The following GLI2 variants were observed in gnomAD, a reference collection of about 807,000 sequenced individuals.
The protein encoded by GLI2 is transcription activator GLI2.
A neutral mutation model predicts 78.9 loss-of-function variants in GLI2; 22 were observed. The ratio of observed to expected loss-of-function variants is 0.28; its 90% CI spans 0.20 to 0.40. The LOEUF is 0.40. GLI2 is among the 10% of genes least tolerant of loss of function. The pLI, the probability that GLI2 is intolerant of heterozygous loss-of-function variation, is 1.00. For missense variants in GLI2, 2,097 were observed against 2,213.2 expected, an observed-to-expected ratio of 0.95 and a Z score of 1.05; for synonymous variants, 974 against 963.7, an observed-to-expected ratio of 1.01 and a Z score of -0.20.
In GLI2 at chr2:120,990,778, C is replaced by A; in HGVS notation, c.*103C>A. ...TTTTTCCAAAAAAGTGTTAAATAGG[C>A]TTGAGGGGTTGTTGCGCAATGGCCG... On this transcript the variant is annotated 3_prime_UTR_variant, in exon 14 of 14. Transcript: ENST00000361492. The A allele has an allele frequency of 2.1e-6, 2 of 972,026 alleles. No individual in the cohort carries two copies. The highest frequency in any genetic ancestry group is 3.1e-6 in the Non-Finnish European group (2 of 654,798). The allele number at this position is 972,026 out of a possible 1,614,324, so 60.2% of individuals were successfully genotyped here.
chr2:120,941,276 T>G lies in GLI2; in HGVS notation c.255-9967T>G, dbSNP rs11679415. On this transcript the variant is annotated intron_variant, in intron 3 of 13. Coordinates refer to ENST00000361492, the MANE Select transcript of GLI2 (RefSeq NM_001374353.1). Reference sequence around the variant, plus strand: ...TGGCTCTTAAAAAATGCAAATCCCCTTAGTACATTTTGGAAAGGACTTGAT... The same window carrying G: ...TGGCTCTTAAAAAATGCAAATCCCCGTAGTACATTTTGGAAAGGACTTGAT... Among the ~76,000 whole-genome samples, 1,219 of 152,338 alleles carry G rather than the reference T, an allele frequency of 8.0e-3. 13 individuals are homozygous for G. Among genetic ancestry groups the G allele is most frequent in the Non-Finnish European group, 0.012 (847 of 68,034 alleles).
intron 5 of GLI2, among the ~76,000 whole-genome samples, chr2:120,964,331 G>A (rs956411320): frequency 6.6e-6 from 1 of 152,230 alleles, no homozygotes; most frequent in African/African-American, 2.4e-5. Flanking sequence ...CAGGGCCACC[G>A]CCTAGGCCTT....
chr2:120,847,479 C>T (rs1573472526), intron 2 of GLI2, among the ~76,000 whole-genome samples: 1 of 152,168 alleles, frequency 6.6e-6, no homozygotes. Context: ...CCTTCCACGT[C>T]TCTTGAAGAT....
At chr2:120,875,639 C>T (rs1371646476) in intron 2 of GLI2, among the ~76,000 whole-genome samples, 2 of 152,202 alleles carry the variant, frequency 1.3e-5, no homozygotes, top group South Asian at 2.1e-4. Flanking sequence ...TCCTCTTCTT[C>T]GCCTCAGGAC....
chr2:120,860,391 G>A (rs1687850719), intron 2 of GLI2, among the ~76,000 whole-genome samples: 1 of 152,162 alleles, frequency 6.6e-6, no homozygotes, highest in Non-Finnish European at 1.5e-5. Flanking sequence ...CTCAGGTCCT[G>A]AGATTCTCTC....
intron 3 of GLI2, among the ~76,000 whole-genome samples, chr2:120,940,451 C>T (rs1473724518): frequency 1.3e-5 from 2 of 152,230 alleles, no homozygotes; most frequent in Non-Finnish European, 2.9e-5. Context: ...TCACCACCTC[C>T]ATTCCATTCT....
chr2:120,955,319 C>T lies in GLI2; in HGVS notation c.532C>T (p.His178Tyr), dbSNP rs1323089668. 2 of 1,612,894 alleles carry T rather than the reference C, an allele frequency of 1.2e-6. No individual in the cohort carries two copies. The highest frequency in any genetic ancestry group is 1.7e-6 in the Non-Finnish European group (2 of 1,179,100). ...APGTTPSDYY[H>Y]QMTLVAGHPA... The stretch of plus-strand genomic sequence containing the variant: ...AGGCACCACCCCCTCAGACTATTAC[C>T]ACCAGATGACCCTCGTGGCAGGCCA... Residue 178 changes from histidine (H) to tyrosine (Y), a missense_variant, in exon 5 of 14, where the codon CAC becomes TAC. By Grantham distance (83) the His-to-Tyr change is moderately conservative. Transcript: ENST00000361492.
chr2:120,992,545 C>T lies in GLI2; in HGVS notation c.*1870C>T, dbSNP rs1683328783. On this transcript the variant is annotated 3_prime_UTR_variant, in exon 14 of 14. Coordinates refer to ENST00000361492, the MANE Select transcript of GLI2 (RefSeq NM_001374353.1). The stretch of plus-strand genomic sequence containing the variant: ...CCCCCTTGACAGTAGTTAATGAGAA[C>T]CTGGGCAGTAAATTTGGTGCATTCG... 6.6e-6 allele frequency: 1 copy of T among 152,086 alleles called. No individual in the cohort carries two copies. The highest frequency in any genetic ancestry group is 1.5e-5 in the Non-Finnish European group (1 of 68,030). The allele number at this position is 152,086 out of a possible 1,614,324, so 9.4% of individuals were successfully genotyped here.
rs187223898 is a variant in GLI2, at chr2:120,991,575, G to A, written c.*900G>A. 3 of 152,764 alleles carry A rather than the reference G, an allele frequency of 2.0e-5. No individual in the cohort carries two copies. Among genetic ancestry groups the A allele is most frequent in the African/African-American group, 7.2e-5 (3 of 41,564 alleles). The allele number at this position is 152,764 out of a possible 1,614,324, so 9.5% of individuals were successfully genotyped here. ...GCCTCGAGGAGTGAGGGTGCACCCG[G>A]GGCCCAGCCTCAGGCTGCCCTAGGG... On this transcript the variant is annotated 3_prime_UTR_variant, in exon 14 of 14. Coordinates refer to ENST00000361492, the MANE Select transcript of GLI2 (RefSeq NM_001374353.1).
chr2:120,975,013 T>C lies in GLI2; in HGVS notation c.1221T>C (p.Asp407=). The C allele has an allele frequency of 6.2e-7, 1 of 1,614,134 alleles. No homozygotes were observed. Among genetic ancestry groups the C allele is most frequent in the South Asian group, 1.1e-5 (1 of 91,082 alleles). Residue 407 remains aspartate (D), a synonymous_variant, in exon 9 of 14, where the codon GAT becomes GAC. Transcript: ENST00000361492. ...LADLKEDLDR[D]DCKQEAEVVI... is the part of the protein sequence containing the mutation. ...ACCTCAAGGAAGATCTGGACAGGGA[T>C]GACTGTAAGCAGGAGGCTGAGGTGG...
At chr2:120,752,928 G>A (rs910368652) in intron 1 of GLI2, among the ~76,000 whole-genome samples, 1 of 152,008 alleles carries the variant, frequency 6.6e-6, no homozygotes, top group African/African-American at 2.4e-5. Flanking sequence ...TTATACCATC[G>A]GTTATTTAGT....
At position 120,773,590 on chromosome 2, in the gene GLI2, G is replaced by T. The variant is rs573446889; in HGVS notation, c.-30-23701G>T. Among the ~76,000 whole-genome samples the T allele has an allele frequency of 7.9e-5, 12 of 152,314 alleles. No individual in the cohort carries two copies. The South Asian group carries it at 2.5e-3, about 32-fold the overall frequency. On this transcript the variant is annotated intron_variant, in intron 1 of 13. Transcript: ENST00000361492. ...GGTTGGTGCTGAAGAGGGATGATAG[G>T]CCCTGCGCGTCTGTTGCGTGCTTGG...
chr2:120,764,334 G>C (rs920663844), intron 1 of GLI2, among the ~76,000 whole-genome samples: 1 of 152,246 alleles, frequency 6.6e-6, no homozygotes, highest in Non-Finnish European at 1.5e-5. Flanking sequence ...GTCAGGAGCA[G>C]GGTTTCTGGT....
chr2:120,778,170 C>T (rs186907178), intron 1 of GLI2, among the ~76,000 whole-genome samples: 3 of 152,242 alleles, frequency 2.0e-5, no homozygotes, highest in East Asian at 1.9e-4. Flanking sequence ...CTTGTAGCCC[C>T]CACAGATGAT....
Position 120,989,113 on chromosome 2 carries a change from G to C in GLI2, c.3148G>C (p.Val1050Leu), listed in dbSNP as rs1252938560. Reference sequence around the variant, plus strand: ...CGACCTGGTGCTTCCAGACGACGTGGTGCAGTACATCAAGGCGCACGCCAG... The same window carrying C: ...CGACCTGGTGCTTCCAGACGACGTGCTGCAGTACATCAAGGCGCACGCCAG... ...EDDLVLPDDVVQYIKAHASGA... is the reference protein window; with the variant it reads ...EDDLVLPDDVLQYIKAHASGA... The change falls in exon 14 of 14, where the codon GTG (valine) becomes CTG (leucine). Residue 1050 changes from valine (V) to leucine (L), a missense_variant. This residue lies in a region of GLI2 where 1,290 missense variants were observed against 1,261.7 expected (regional missense o/e 1.02). Transcript: ENST00000361492. 6.2e-7 allele frequency: 1 copy of C among 1,612,868 alleles called. No individual in the cohort carries two copies. Among genetic ancestry groups the C allele is most frequent in the Non-Finnish European group, 8.5e-7 (1 of 1,179,946 alleles).
rs1573388436 is a variant in GLI2, at chr2:120,796,704, A to G, written c.-30-587A>G. On this transcript the variant is annotated intron_variant, in intron 1 of 13. Transcript: ENST00000361492. ...TTTCCCCTTGTTTGCCCCCAAGGAG[A>G]ATGTAAACTCCACATATTGTATCTT... Among the ~76,000 whole-genome samples the G allele has an allele frequency of 2.0e-5, 3 of 152,308 alleles. No individual in the cohort carries two copies. In the South Asian group the frequency reaches 6.2e-4, roughly 32 times the overall value.
intron 1 of GLI2, among the ~76,000 whole-genome samples, chr2:120,795,259 C>T (rs1036618909): frequency 5.3e-5 from 8 of 151,284 alleles, no homozygotes; most frequent in African/African-American, 1.5e-4. Context: ...CGTTGGCTCA[C>T]GCCTGCAGTC....
intron 2 of GLI2, among the ~76,000 whole-genome samples, chr2:120,820,708 G>T (rs1414995010): frequency 6.6e-6 from 1 of 152,248 alleles, no homozygotes; most frequent in Non-Finnish European, 1.5e-5. Flanking sequence ...AAAAACTTCA[G>T]TGGAGAAGGA....
intron 10 of GLI2, among the ~76,000 whole-genome samples, chr2:120,981,046 A>AT (rs1358808276): frequency 2.0e-5 from 3 of 151,910 alleles, no homozygotes; most frequent in African/African-American, 7.3e-5. Context: ...CGCCTGGCTA[A>AT]TTTTTTGTAT....
Sources: gnomAD v4.1 joint callset for allele counts (sites outside exome capture counted in the v4.1 genomes callset) on GRCh38, gnomAD v4.1.1 for gene constraint, gnomAD v4.1.1 regional missense constraint, MANE v1.5 for transcripts, NCBI Gene and HGNC (gene_info 2026-07-23, HGNC 2026-07-21) for gene names.